The following SYNE1 variants were observed in gnomAD, a reference collection of about 807,000 sequenced individuals.
SYNE1 encodes the protein nesprin-1.
SYNE1 carries 616 observed loss-of-function variants against 1,111.0 expected under a neutral mutation model. The observed-to-expected ratio is 0.55, with a 90% CI of 0.52 to 0.59. SYNE1 has a LOEUF of 0.59. Ranked by LOEUF, SYNE1 falls within the 20% of genes least tolerant of loss-of-function variation. The pLI, the probability that SYNE1 is intolerant of heterozygous loss-of-function variation, is 0.00. For synonymous variants in SYNE1, 3,855 were observed against 3,825.8 expected, an observed-to-expected ratio of 1.01 and a Z score of -0.28; for missense variants, 10,006 against 10,417.0, an observed-to-expected ratio of 0.96 and a Z score of 1.72.
chr6:152,134,058 A>G (rs931221345), intron 142 of SYNE1: 2 of 156,448 alleles, frequency 1.3e-5, no homozygotes, highest in African/African-American at 4.8e-5. Context: ...ATGTTAAGAC[A>G]TAACATTTTA....
Position 152,390,451 on chromosome 6 carries a change from T to C in SYNE1, c.8006A>G (p.Asp2669Gly), listed in dbSNP as rs1323726865. ...TLEKRLSQIQ[D>G]ILLMKGEGEV... ...CCCTTCACCTTTCATCAGGAGAATA[T>C]CCTGGGAAGGAAGAAAGAATACTCA... The change falls in exon 53 of 146, where the codon GAT (aspartate) becomes GGT (glycine). Residue 2669 changes from aspartate (D) to glycine (G), a missense_variant and splice_region_variant. Asp to Gly is a moderately conservative substitution (Grantham distance 94). This residue lies in a region of SYNE1 where 4,955 missense variants were observed against 5,017.2 expected (regional missense o/e 0.99). Transcript: ENST00000367255. 6.2e-7 allele frequency: 1 copy of C among 1,614,002 alleles called. No individual in the cohort carries two copies.
chr6:152,256,617 T>A lies in SYNE1; in HGVS notation c.19104+17A>T. 1 of 1,612,844 alleles carries A rather than the reference T, an allele frequency of 6.2e-7. No homozygotes were observed. Among genetic ancestry groups the A allele is most frequent in the East Asian group, 2.2e-5 (1 of 44,820 alleles). ...CTCTTATAAACCAAGCCAAACACAC[T>A]GATAACACAGCCTTACCTGGGATGA... On this transcript the variant is annotated intron_variant, in intron 102 of 145. Transcript: ENST00000367255.
At position 152,325,422 on chromosome 6, in the gene SYNE1, C is replaced by T. The variant is rs987627757; in HGVS notation, c.15439-120G>A. The T allele has an allele frequency of 7.7e-6, 7 of 909,006 alleles. 1 individual carries two copies. The highest frequency in any genetic ancestry group is 4.2e-5 in the South Asian group (3 of 71,314). The allele number at this position is 909,006 out of a possible 1,614,324, so 56.3% of individuals were successfully genotyped here. A position where few individuals can be genotyped will look rare whatever the true frequency, so the allele number is the denominator to read the frequency against. Reference sequence around the variant, plus strand: ...CTGCAAAAGGAAATGTTTCTACATACGTTTATTCTCCTCTAGGTACTCTTA... The same window carrying T: ...CTGCAAAAGGAAATGTTTCTACATATGTTTATTCTCCTCTAGGTACTCTTA... On this transcript the variant is annotated intron_variant, in intron 80 of 145. Transcript: ENST00000367255.
chr6:152,472,016 T>C, intron 15 of SYNE1: 2 of 592,152 alleles, frequency 3.4e-6, no homozygotes, highest in Non-Finnish European at 5.9e-6. Context: ...ATAAGCTGTT[T>C]TTGCAATATT....
intron 126 of SYNE1, among the ~76,000 whole-genome samples, chr6:152,203,771 C>T (rs1012309531): frequency 6.6e-6 from 1 of 152,072 alleles, no homozygotes; most frequent in Admixed American, 6.6e-5. Context: ...TCTCATTTCT[C>T]TTTAAAATTC....
At chr6:152,524,319 T>C (rs1050523224) in intron 5 of SYNE1, among the ~76,000 whole-genome samples, 1 of 152,156 alleles carries the variant, frequency 6.6e-6, no homozygotes, top group African/African-American at 2.4e-5. Context: ...ATAGATTTTG[T>C]TTTTAATTCT....
At chr6:152,468,514 C>T (rs1370722774) in intron 16 of SYNE1, among the ~76,000 whole-genome samples, 1 of 152,162 alleles carries the variant, frequency 6.6e-6, no homozygotes, top group African/African-American at 2.4e-5. Context: ...TTACCAATGG[C>T]ATGTGGCCTA....
chr6:152,132,083 C>T (rs376979763), intron 144 of SYNE1, 39 bp downstream of exon 144: 19 of 1,584,942 alleles, frequency 1.2e-5, no homozygotes, highest in Admixed American at 1.7e-5. Context: ...CCAGTGTTCA[C>T]TCCCATGGGC....
chr6:152,145,705 C>T (rs1213647840), intron 137 of SYNE1: 2 of 705,306 alleles, frequency 2.8e-6, no homozygotes, highest in Admixed American at 2.1e-5. Context: ...GCAGGCTCAC[C>T]AAAGCTTTCC....
intron 106 of SYNE1, 108 bp from the exon 107 acceptor site, chr6:152,242,548 C>CT: frequency 8.1e-7 from 1 of 1,230,782 alleles, no homozygotes; most frequent in Non-Finnish European, 1.2e-6. Context: ...AAGAAAATGC[C>CT]TTCAGGGATG....
chr6:152,199,001 A>AC (rs10642864), intron 127 of SYNE1, among the ~76,000 whole-genome samples: 3 of 149,480 alleles, frequency 2.0e-5, no homozygotes, highest in East Asian at 3.9e-4. Context: ...AAAAAAAAAA[A>AC]CCAAAAAACA....
At chr6:152,246,744 G>T (rs1158447226) in intron 105 of SYNE1, among the ~76,000 whole-genome samples, 1 of 152,188 alleles carries the variant, frequency 6.6e-6, no homozygotes, top group African/African-American at 2.4e-5. Flanking sequence ...GATAAAAATA[G>T]ATCCTCCCCA....
At chr6:152,200,547 AC>A (rs1158553150) in intron 127 of SYNE1, among the ~76,000 whole-genome samples, 2 of 152,064 alleles carry the variant, frequency 1.3e-5, no homozygotes, top group Non-Finnish European at 2.9e-5. Flanking sequence ...ACAGGCAAGC[AC>A]CACCACTCTG....
intron 39 of SYNE1, among the ~76,000 whole-genome samples, chr6:152,422,393 A>G (rs2098277354): frequency 6.6e-6 from 1 of 152,236 alleles, no homozygotes; most frequent in South Asian, 2.1e-4. Flanking sequence ...TCTCAGGACT[A>G]AGAGACTGAC....
intron 2 of SYNE1, among the ~76,000 whole-genome samples, chr6:152,633,313 A>G (rs983624627): frequency 6.6e-6 from 1 of 152,218 alleles, no homozygotes; most frequent in Non-Finnish European, 1.5e-5. Flanking sequence ...AGCTAAATAC[A>G]TTCAGAAAGG....
intron 3 of SYNE1, among the ~76,000 whole-genome samples, chr6:152,605,668 G>A (rs1048329533): frequency 6.6e-6 from 1 of 152,176 alleles, no homozygotes; most frequent in Non-Finnish European, 1.5e-5. Flanking sequence ...CAATAACTGA[G>A]CCAATTAAAA....
chr6:152,541,469 C>A (rs576526934), intron 3 of SYNE1, among the ~76,000 whole-genome samples: 1 of 152,160 alleles, frequency 6.6e-6, no homozygotes, highest in South Asian at 2.1e-4. Context: ...ACTGAATTGG[C>A]CAGGCGTGGC....
intron 24 of SYNE1, among the ~76,000 whole-genome samples, chr6:152,454,564 A>G (rs959793726): frequency 6.6e-6 from 1 of 152,358 alleles, no homozygotes; most frequent in African/African-American, 2.4e-5. Flanking sequence ...CCACCCGTCT[A>G]TGGCATTTTG....
chr6:152,532,337 T>C lies in SYNE1; in HGVS notation c.130-6162A>G, dbSNP rs79308389. Among the ~76,000 whole-genome samples the C allele has an allele frequency of 2.2e-3, 341 of 152,310 alleles. 7 individuals are homozygous for C. The East Asian group carries it at 0.024, about 11-fold the overall frequency. ...TGCCATCATCCATAATCACTTTTAG[T>C]CTTCTAGTAAATGGTTTTTACTTTT... On this transcript the variant is annotated intron_variant, in intron 4 of 145. Transcript: ENST00000367255.
Sources: gnomAD v4.1 joint callset for allele counts (sites outside exome capture counted in the v4.1 genomes callset) on GRCh38, gnomAD v4.1.1 for gene constraint, gnomAD v4.1.1 regional missense constraint, MANE v1.5 for transcripts, NCBI Gene and HGNC (gene_info 2026-07-23, HGNC 2026-07-21) for gene names.